DHRSX: variants seen among roughly 807,000 people sequenced by gnomAD.
The protein encoded by DHRSX is dehydrogenase/reductase X-linked.
In DHRSX, 31 loss-of-function variants were observed where a neutral mutation model predicts 34.0. The observed-to-expected ratio is 0.91, with a 90% CI of 0.69 to 1.23. DHRSX has a LOEUF of 1.23. Ranked by LOEUF, DHRSX falls within the 50% of genes most tolerant of loss-of-function variation. The probability of loss-of-function intolerance (pLI) is 0.00; values close to 1 mark genes in which losing one functional copy is unlikely to be tolerated. For missense variants in DHRSX, 414 were observed against 428.1 expected (o/e 0.97, Z 0.29); for synonymous variants, 201 against 183.8 (o/e 1.09, Z -0.76).
At chrX:2,291,048 G>A (rs73185755) in intron 4 of DHRSX, among the ~76,000 whole-genome samples, 24,643 of 152,114 alleles carry the variant, frequency 0.16, 2,666 homozygotes, top group Non-Finnish European at 0.23. Context: ...TTGGCAGATG[G>A]GCAGATTGAA....
intron 2 of DHRSX, among the ~76,000 whole-genome samples, chrX:2,423,718 T>C (rs780293613): frequency 2.0e-5 from 3 of 152,232 alleles, no homozygotes; most frequent in Admixed American, 6.5e-5. Flanking sequence ...AGGTATGCAA[T>C]AGACTCTCTC....
chrX:2,345,936 T>C (rs1299275198), intron 3 of DHRSX, among the ~76,000 whole-genome samples: 2 of 152,206 alleles, frequency 1.3e-5, no homozygotes, highest in African/African-American at 2.4e-5. Context: ...ATGTGCTTTC[T>C]ATCAGTACAC....
chrX:2,248,811 C>T (rs188859356), intron 5 of DHRSX, among the ~76,000 whole-genome samples: 194 of 152,140 alleles, frequency 1.3e-3, no homozygotes, highest in Non-Finnish European at 2.3e-3. Context: ...CCACTCAGAC[C>T]GTCAGCCTTA....
chrX:2,398,998 A>T (rs1217020090), intron 3 of DHRSX, among the ~76,000 whole-genome samples: 1 of 151,852 alleles, frequency 6.6e-6, no homozygotes, highest in South Asian at 2.1e-4. Flanking sequence ...GACTACAGGC[A>T]CCCGCCACCA....
chrX:2,491,066 GTTTTTTTTTT>G (rs900738620), intron 1 of DHRSX, among the ~76,000 whole-genome samples: 2 of 110,246 alleles, frequency 1.8e-5, no homozygotes, highest in African/African-American at 6.9e-5. Context: ...AGTGCCTTTA[GTTTTTTTTTT>G]TTTTTTTTTT....
intron 3 of DHRSX, among the ~76,000 whole-genome samples, chrX:2,363,745 T>C (rs866476695): frequency 1.3e-5 from 2 of 151,118 alleles, no homozygotes; most frequent in African/African-American, 4.9e-5. Flanking sequence ...GCTTCCATTT[T>C]ATCACCGTTC....
intron 1 of DHRSX, among the ~76,000 whole-genome samples, chrX:2,495,576 G>A (rs182749032): frequency 9.6e-4 from 145 of 151,372 alleles, no homozygotes; most frequent in African/African-American, 3.1e-3. Context: ...GTAAAGAACC[G>A]TCCACACAGT....
At chrX:2,445,324 G>C (rs1190965914) in intron 1 of DHRSX, among the ~76,000 whole-genome samples, 3 of 152,084 alleles carry the variant, frequency 2.0e-5, no homozygotes, top group African/African-American at 7.2e-5. Flanking sequence ...GCCGTGACCA[G>C]GATTTTTATA....
intron 2 of DHRSX, 82 bp from the exon 3 acceptor site, chrX:2,408,895 T>A: frequency 3.4e-6 from 4 of 1,192,788 alleles, no homozygotes; most frequent in Non-Finnish European, 3.6e-6. Context: ...AAAGAGGTTT[T>A]AAGAGAAGTA....
At chrX:2,245,784 T>C (rs750336544) in intron 5 of DHRSX, among the ~76,000 whole-genome samples, 28 of 148,172 alleles carry the variant, frequency 1.9e-4, no homozygotes, top group Admixed American at 1.5e-3. Context: ...GGTGAAACCC[T>C]GTCTCTACTA....
chrX:2,260,128 C>T (rs1274763081), intron 5 of DHRSX, among the ~76,000 whole-genome samples: 1 of 151,408 alleles, frequency 6.6e-6, no homozygotes, highest in Non-Finnish European at 1.5e-5. Context: ...CCTCCATCTC[C>T]ACGTGGCCTT....
chrX:2,257,847 G>A (rs1053851753), intron 5 of DHRSX, among the ~76,000 whole-genome samples: 1 of 152,038 alleles, frequency 6.6e-6, no homozygotes, highest in Admixed American at 6.6e-5. Flanking sequence ...GGCTGGTCTT[G>A]AACTCCTGAC....
chrX:2,365,310 T>C (rs764312030), intron 3 of DHRSX, among the ~76,000 whole-genome samples: 1 of 152,322 alleles, frequency 6.6e-6, no homozygotes, highest in Admixed American at 6.5e-5. Flanking sequence ...TGGCTGATTT[T>C]TGTATTTTTA....
rs185174438 is a variant in DHRSX at position 2,221,941 on chromosome X, A to G, written c.805-712T>C. Among the ~76,000 whole-genome samples the G allele has an allele frequency of 8.5e-5, 13 of 152,284 alleles. No homozygotes were observed. In the East Asian group the frequency reaches 1.5e-3, roughly 18 times the overall value. The stretch of plus-strand genomic sequence containing the variant: ...TGAGAACCTTCAGAGCTAGGATGCA[A>G]TAATCCAGGAACCAACACAGTGCAT... On this transcript the variant is annotated intron_variant, in intron 6 of 6. Transcript: ENST00000334651.
At chrX:2,456,648 G>A (rs6641556) in intron 1 of DHRSX, among the ~76,000 whole-genome samples, 18,611 of 148,154 alleles carry the variant, frequency 0.13, 1,447 homozygotes, top group East Asian at 0.28. Flanking sequence ...GATGAAGAAT[G>A]AAAGGTGCAC....
intron 5 of DHRSX, among the ~76,000 whole-genome samples, chrX:2,244,696 TATTTTTAAA>T (rs972027906): frequency 9.9e-5 from 15 of 151,078 alleles, no homozygotes; most frequent in African/African-American, 2.7e-4. Context: ...TATATATATA[TATTTTTAAA>T]TTTTATTTTT....
At chrX:2,358,524 T>C (rs1276553639) in intron 3 of DHRSX, among the ~76,000 whole-genome samples, 7 of 152,180 alleles carry the variant, frequency 4.6e-5, no homozygotes, top group Middle Eastern at 3.4e-3. Context: ...GGTGAAACCC[T>C]GCCTCTACTA....
chrX:2,484,078 C>T (rs750111457), intron 1 of DHRSX, among the ~76,000 whole-genome samples: 45 of 152,298 alleles, frequency 3.0e-4, no homozygotes, highest in Non-Finnish European at 5.7e-4. Flanking sequence ...CTGGTTCACG[C>T]GATTCTCCTG....
chrX:2,403,720 G>A (rs778905449), intron 3 of DHRSX, among the ~76,000 whole-genome samples: 107 of 152,142 alleles, frequency 7.0e-4, no homozygotes, highest in African/African-American at 2.5e-3. Context: ...GCCGGGCCTG[G>A]TGGTGGGTGT....
Sources: gnomAD v4.1 joint callset for allele counts (sites outside exome capture counted in the v4.1 genomes callset) on GRCh38, gnomAD v4.1.1 for gene constraint, MANE v1.5 for transcripts, NCBI Gene and HGNC (gene_info 2026-07-23, HGNC 2026-07-21) for gene names.